Variants in MCTP2 observed in about 807,000 individuals in gnomAD.
MCTP2 encodes multiple C2 and transmembrane domain-containing protein 2.
A neutral mutation model predicts 111.6 loss-of-function variants in MCTP2; 132 were observed. The ratio of observed to expected loss-of-function variants is 1.18; its 90% confidence interval spans 1.03 to 1.37. MCTP2 has a LOEUF of 1.37. Among genes scored for constraint, MCTP2 ranks in the 40% most tolerant of loss-of-function variants. The pLI, the probability that MCTP2 is intolerant of heterozygous loss-of-function variation, is 0.00. For missense variants in MCTP2, 1,183 were observed against 1,067.9 expected, an observed-to-expected ratio of 1.11 and a Z score of -1.50; for synonymous variants, 395 against 387.7, an observed-to-expected ratio of 1.02 and a Z score of -0.22.
chr15:94,474,873 A>G (rs150972918), intron 21 of MCTP2, among the ~76,000 whole-genome samples: 221 of 151,416 alleles, frequency 1.5e-3, no homozygotes, highest in African/African-American at 4.0e-3. Flanking sequence ...TTTTTTTTCA[A>G]ACATAGATAG....
At chr15:94,274,652 A>T (rs191638423) in intron 1 of MCTP2, among the ~76,000 whole-genome samples, 1 of 152,288 alleles carries the variant, frequency 6.6e-6, no homozygotes, top group Admixed American at 6.5e-5. Context: ...AACAGCAAAC[A>T]TAACAAAACT....
At chr15:94,339,209 G>T in intron 4 of MCTP2, 81 bp from the exon 5 acceptor site, 1 of 1,063,274 alleles carries the variant, frequency 9.4e-7, no homozygotes, top group East Asian at 2.4e-5. Flanking sequence ...TGGGGAGTGG[G>T]GAAAGGATCT....
At chr15:94,306,724 C>T (rs1319036091) in intron 2 of MCTP2, among the ~76,000 whole-genome samples, 1 of 152,202 alleles carries the variant, frequency 6.6e-6, no homozygotes, top group Non-Finnish European at 1.5e-5. Flanking sequence ...GTATGTCCTT[C>T]CCTGACATTT....
At chr15:94,403,202 T>C (rs2152477624) in intron 17 of MCTP2, 1 of 985,474 alleles carries the variant, frequency 1.0e-6, no homozygotes, top group Non-Finnish European at 1.2e-6. Context: ...CTTTTTCTGC[T>C]GTCTGAAGTT....
intron 9 of MCTP2, 145 bp from the exon 10 acceptor site, chr15:94,358,337 C>T: frequency 1.5e-6 from 1 of 673,288 alleles, no homozygotes; most frequent in Admixed American, 3.2e-5. Flanking sequence ...AAGTCCCTTT[C>T]ATTCTAAAAA....
At chr15:94,313,315 A>G (rs1181442083) in intron 2 of MCTP2, among the ~76,000 whole-genome samples, 4 of 152,166 alleles carry the variant, frequency 2.6e-5, no homozygotes, top group South Asian at 2.1e-4. Flanking sequence ...AGCTGACACA[A>G]CTGAGGAATC....
chr15:94,441,255 G>A (rs1398808882), intron 18 of MCTP2, among the ~76,000 whole-genome samples: 2 of 152,118 alleles, frequency 1.3e-5, no homozygotes, highest in Non-Finnish European at 2.9e-5. Flanking sequence ...AAAACCTCAG[G>A]CAATTTCAAA....
chr15:94,402,336 TG>T, intron 17 of MCTP2: 2 of 1,445,928 alleles, frequency 1.4e-6, no homozygotes, highest in Non-Finnish European at 9.1e-7. Flanking sequence ...TTCTGAAAAA[TG>T]GCATCTGAAA....
At chr15:94,421,094 AT>A (rs776113477) in intron 17 of MCTP2, among the ~76,000 whole-genome samples, 5,202 of 142,910 alleles carry the variant, frequency 0.036, 74 homozygotes, top group African/African-American at 0.049. Flanking sequence ...GGATGATAGT[AT>A]TTTTTTTTTT....
Position 94,236,122 on chromosome 15 carries a change from C to T in MCTP2, c.-66+4458C>T, listed in dbSNP as rs369442830. On this transcript the variant is annotated intron_variant, in intron 1 of 22. Coordinates refer to ENST00000357742, the MANE Select transcript of MCTP2 (RefSeq NM_001385001.1). ...TTAAGGGCTCCTATGGATTACCCAG[C>T]GGGGAGTGATGTTGGTGATTATGGA... is the stretch of plus-strand genomic sequence containing the variant. Among the ~76,000 whole-genome samples the T allele has an allele frequency of 3.9e-5, 6 of 152,016 alleles. 1 individual carries two copies. Among genetic ancestry groups the T allele is most frequent in the East Asian group, 3.9e-4 (2 of 5,182 alleles).
intron 1 of MCTP2, among the ~76,000 whole-genome samples, chr15:94,248,517 T>C (rs1461105680): frequency 6.6e-6 from 1 of 152,220 alleles, no homozygotes; most frequent in Non-Finnish European, 1.5e-5. Flanking sequence ...CCTAGAGCTT[T>C]GGCCAGGCTT....
intron 17 of MCTP2, among the ~76,000 whole-genome samples, chr15:94,409,911 TTCC>T (rs967982553): frequency 2.4e-5 from 3 of 126,890 alleles, no homozygotes; most frequent in Non-Finnish European, 3.2e-5. Context: ...CTCTCTCTCC[TTCC>T]TCCTCACCCC....
chr15:94,322,228 T>C (rs1223465178), intron 4 of MCTP2, among the ~76,000 whole-genome samples: 1 of 152,210 alleles, frequency 6.6e-6, no homozygotes, highest in East Asian at 1.9e-4. Context: ...TATTCAAATG[T>C]GTTGCAACCT....
At chr15:94,312,217 T>C (rs1393531803) in intron 2 of MCTP2, among the ~76,000 whole-genome samples, 1 of 152,192 alleles carries the variant, frequency 6.6e-6, no homozygotes, top group Non-Finnish European at 1.5e-5. Context: ...AACGATTGCA[T>C]TTGATTGCAT....
At chr15:94,321,676 A>T (rs1258623720) in intron 4 of MCTP2, among the ~76,000 whole-genome samples, 1 of 152,168 alleles carries the variant, frequency 6.6e-6, no homozygotes, top group Non-Finnish European at 1.5e-5. Context: ...TAGGGTTTTT[A>T]AAATACAGCT....
chr15:94,446,472 A>G (rs1007294166), intron 19 of MCTP2, among the ~76,000 whole-genome samples: 1 of 152,256 alleles, frequency 6.6e-6, no homozygotes, highest in Non-Finnish European at 1.5e-5. Flanking sequence ...TTAATTTTCT[A>G]CACAGTAAAG....
chr15:94,257,999 G>C (rs12101322), intron 1 of MCTP2, among the ~76,000 whole-genome samples: 143,391 of 149,852 alleles, frequency 0.96, 68,640 homozygotes, highest in East Asian at 1. Flanking sequence ...ATTCTCTTGT[G>C]TCAGCCTCCT....
intron 4 of MCTP2, among the ~76,000 whole-genome samples, chr15:94,325,129 G>T (rs1305599752): frequency 6.6e-6 from 1 of 152,158 alleles, no homozygotes; most frequent in African/African-American, 2.4e-5. Flanking sequence ...GCTGGATGGT[G>T]GGTGAGGGTT....
chr15:94,367,781 C>T lies in MCTP2; in HGVS notation c.1478C>T (p.Thr493Ile), dbSNP rs758958520. The change falls in exon 11 of 23, where the codon ACC becomes ATC. Residue 493 changes from threonine to isoleucine, a missense_variant. Coordinates refer to ENST00000357742, the MANE Select transcript of MCTP2 (RefSeq NM_001385001.1). The stretch of plus-strand genomic sequence containing the variant: ...GACCTCAGCGAAAGAAAGCAGATTA[C>T]CCAGCGATATGTGAGTGTTTTTCCT... Reference protein sequence around the residue: ...LADLSERKQITQRYCLQNSLK... With the variant: ...LADLSERKQIIQRYCLQNSLK... The T allele has an allele frequency of 1.9e-6, 3 of 1,600,560 alleles. No individual in the cohort carries two copies. Among genetic ancestry groups the T allele is most frequent in the Non-Finnish European group, 1.7e-6 (2 of 1,174,468 alleles).
Sources: allele counts gnomAD v4.1 joint callset (sites outside exome capture counted in the v4.1 genomes callset), GRCh38; gene constraint gnomAD v4.1.1; transcripts MANE v1.5; gene names NCBI Gene and HGNC (gene_info 2026-07-23, HGNC 2026-07-21).